AP4S1: variants seen among roughly 807,000 people sequenced by gnomAD.
AP4S1 encodes adaptor related protein complex 4 subunit sigma 1, also known as AP-4 complex subunit sigma-1.
Under a neutral mutation model 19.8 loss-of-function variants are expected in AP4S1, and 23 were observed. The observed-to-expected ratio is 1.16, with a 90% CI of 0.84 to 1.65. The LOEUF is 1.65. Ranked by LOEUF, AP4S1 falls within the 40% of genes most tolerant of loss-of-function variation. The pLI is 0.00. For missense variants in AP4S1, 166 were observed against 172.8 expected, an observed-to-expected ratio of 0.96 and a Z score of 0.22; for synonymous variants, 46 against 54.1, an observed-to-expected ratio of 0.85 and a Z score of 0.66.
intron 4 of AP4S1, among the ~76,000 whole-genome samples, chr14:31,077,371 C>T (rs1004495489): frequency 6.6e-6 from 1 of 152,154 alleles, no homozygotes; most frequent in Non-Finnish European, 1.5e-5. Context: ...CACTAAAACC[C>T]GGAAAGGGCA....
chr14:31,028,423 C>T (rs930185205), intron 1 of AP4S1, among the ~76,000 whole-genome samples: 1 of 152,066 alleles, frequency 6.6e-6, no homozygotes, highest in African/African-American at 2.4e-5. Context: ...GTGGTCCACC[C>T]ACCTTGGCTT....
intron 3 of AP4S1, among the ~76,000 whole-genome samples, chr14:31,071,416 A>G (rs1016623309): frequency 6.6e-6 from 1 of 152,060 alleles, no homozygotes; most frequent in Non-Finnish European, 1.5e-5. Context: ...TGGACTTCAA[A>G]AAAAAGAAAA....
chr14:31,053,806 A>G (rs1479567452), intron 1 of AP4S1, among the ~76,000 whole-genome samples: 3 of 151,812 alleles, frequency 2.0e-5, no homozygotes, highest in East Asian at 3.9e-4. Flanking sequence ...ACCAGAAGAG[A>G]ATAGTTGCTA....
chr14:31,039,695 A>C (rs917723507), intron 1 of AP4S1, among the ~76,000 whole-genome samples: 1 of 149,436 alleles, frequency 6.7e-6, no homozygotes, highest in African/African-American at 2.5e-5. Flanking sequence ...GGTTCACGCC[A>C]TTCTCCTGCC....
At chr14:31,058,389 G>A (rs1401225875) in intron 1 of AP4S1, among the ~76,000 whole-genome samples, 2 of 152,234 alleles carry the variant, frequency 1.3e-5, no homozygotes, top group African/African-American at 4.8e-5. Flanking sequence ...AGCACCATTT[G>A]TGTAATGCTT....
intron 1 of AP4S1, among the ~76,000 whole-genome samples, chr14:31,035,402 A>G (rs1234884134): frequency 6.6e-6 from 1 of 151,234 alleles, no homozygotes; most frequent in Non-Finnish European, 1.5e-5. Context: ...ACCATTGGCC[A>G]GGATGGTCTT....
At chr14:31,081,748 A>G (rs1011475953) in intron 5 of AP4S1, among the ~76,000 whole-genome samples, 13 of 151,646 alleles carry the variant, frequency 8.6e-5, no homozygotes, top group African/African-American at 3.1e-4. Context: ...GTGTGTGTGT[A>G]TGTGTGTGTA....
rs1157931112 is a variant in AP4S1 at position 31,043,300 on chromosome 14, T to C, written c.-72+17513T>C. ...TAATCAAATATGGCTGAAATATTTG[T>C]TGAGTGACTCAAGACTTTAACAGAA... is the stretch of plus-strand genomic sequence containing the variant. On this transcript the variant is annotated intron_variant, in intron 1 of 5. Coordinates refer to ENST00000542754, the MANE Select transcript of AP4S1 (RefSeq NM_001128126.3). Among the ~76,000 whole-genome samples the C allele has an allele frequency of 2.0e-5, 3 of 152,078 alleles. No homozygotes were observed. The Middle Eastern group carries it at 0.01, about 517-fold the overall frequency.
intron 1 of AP4S1, among the ~76,000 whole-genome samples, chr14:31,044,994 C>T (rs113946440): frequency 0.078 from 11,877 of 151,642 alleles, 547 homozygotes; most frequent in South Asian, 0.15. Flanking sequence ...CTCCACCTCC[C>T]GGGTTCAAGC....
At chr14:31,090,348 C>T (rs1240701837) in intron 5 of AP4S1, among the ~76,000 whole-genome samples, 1 of 152,190 alleles carries the variant, frequency 6.6e-6, no homozygotes, top group African/African-American at 2.4e-5. Flanking sequence ...AGGAGCCCTA[C>T]GATGTTCAAT....
At chr14:31,044,620 T>G (rs1026656482) in intron 1 of AP4S1, among the ~76,000 whole-genome samples, 8 of 151,834 alleles carry the variant, frequency 5.3e-5, no homozygotes, top group Non-Finnish European at 1.2e-4. Context: ...AGTGCTGGGA[T>G]TACAGGCCTA....
At chr14:31,048,692 T>C (rs560696742) in intron 1 of AP4S1, among the ~76,000 whole-genome samples, 4 of 152,180 alleles carry the variant, frequency 2.6e-5, no homozygotes, top group East Asian at 3.9e-4. Flanking sequence ...TGAGCCAAGA[T>C]TGCGTCATTG....
intron 1 of AP4S1, among the ~76,000 whole-genome samples, chr14:31,052,700 C>T (rs1885865077): frequency 6.7e-6 from 1 of 148,330 alleles, no homozygotes; most frequent in East Asian, 2.0e-4. Context: ...TGCACTCCAG[C>T]CTGGGTGACA....
At position 31,072,941 on chromosome 14, in the gene AP4S1, G is replaced by T; in HGVS notation, c.262G>T (p.Val88Leu). The T allele has an allele frequency of 6.2e-7, 1 of 1,613,886 alleles. No individual in the cohort carries two copies. Among genetic ancestry groups the T allele is most frequent in the Non-Finnish European group, 8.5e-7 (1 of 1,179,868 alleles). Residue 88 changes from valine to leucine, a missense_variant, in exon 4 of 6, where the codon GTG (valine) becomes TTG (leucine). By Grantham distance (32) the Val-to-Leu change is conservative. Coordinates refer to ENST00000542754, the MANE Select transcript of AP4S1 (RefSeq NM_001128126.3). ...MAIYEFIHNF[V>L]EVLDEYFSRV... ...TATTTATGAATTCATTCATAACTTT[G>T]TGGAAGTTTTAGATGAGTATTTCAG... is the stretch of plus-strand genomic sequence containing the variant.
rs3784164 is a variant in AP4S1, at chr14:31,065,434, G to A, written c.-71-692G>A. Among the ~76,000 whole-genome samples, 146 of 152,062 alleles carry A rather than the reference G, an allele frequency of 9.6e-4. No homozygotes were observed. The East Asian group carries it at 0.018, about 19-fold the overall frequency. ...TTATAACTCATCACCTTGTACTGCC[G>A]TTGTTTACCTACCTAGCACCTTTGC... On this transcript the variant is annotated intron_variant, in intron 1 of 5. Coordinates refer to ENST00000542754, the MANE Select transcript of AP4S1 (RefSeq NM_001128126.3).
At chr14:31,025,625 C>T, upstream of AP4S1, 1 of 506,616 alleles carries the variant, frequency 2.0e-6, no homozygotes, top group South Asian at 2.2e-5. Flanking sequence ...AGGCCGCCTC[C>T]GGAGGAGCCC....
intron 4 of AP4S1, among the ~76,000 whole-genome samples, chr14:31,078,093 T>G (rs1887463346): frequency 6.6e-6 from 1 of 152,210 alleles, no homozygotes; most frequent in East Asian, 1.9e-4. Context: ...TGGTCTGTGA[T>G]GTGGAAATGC....
At chr14:31,031,410 G>A (rs1464023219) in intron 1 of AP4S1, among the ~76,000 whole-genome samples, 1 of 152,050 alleles carries the variant, frequency 6.6e-6, no homozygotes, top group Non-Finnish European at 1.5e-5. Flanking sequence ...TCTGGGAAAG[G>A]GTGGATCTTC....
At chr14:31,038,960 A>G (rs570750281) in intron 1 of AP4S1, among the ~76,000 whole-genome samples, 9 of 148,544 alleles carry the variant, frequency 6.1e-5, no homozygotes, top group Non-Finnish European at 1.3e-4. Context: ...AGCATTAATG[A>G]CTCATTTGTT....
Sources: gnomAD v4.1 joint callset for allele counts (sites outside exome capture counted in the v4.1 genomes callset) on GRCh38, gnomAD v4.1.1 for gene constraint, MANE v1.5 for transcripts, NCBI Gene and HGNC (gene_info 2026-07-23, HGNC 2026-07-21) for gene names.